Variants in RANBP9 observed in about 807,000 individuals in gnomAD.
The protein encoded by RANBP9 is ran-binding protein 9.
Under a neutral mutation model 84.3 loss-of-function variants are expected in RANBP9, and 15 were observed. The ratio of observed to expected loss-of-function variants is 0.18; its 90% CI spans 0.12 to 0.27. RANBP9 has a LOEUF of 0.27. RANBP9 is among the 10% of genes least tolerant of loss of function. The pLI is 1.00. For missense variants in RANBP9, 809 were observed against 912.8 expected (o/e 0.89, Z 1.46); for synonymous variants, 392 against 349.6 (o/e 1.12, Z -1.35).
intron 1 of RANBP9, among the ~76,000 whole-genome samples, chr6:13,702,812 T>G (rs1299074481): frequency 6.6e-6 from 1 of 152,182 alleles, no homozygotes; most frequent in Non-Finnish European, 1.5e-5. Context: ...ATAATCTCTA[T>G]TCACTATCCT....
intron 2 of RANBP9, among the ~76,000 whole-genome samples, chr6:13,662,231 AAC>A (rs1765551670): frequency 6.6e-6 from 1 of 152,200 alleles, no homozygotes; most frequent in African/African-American, 2.4e-5. Context: ...AATGTGCTAG[AAC>A]ACAATTACCC....
rs564437360 is a variant in RANBP9, at chr6:13,625,686, G to C, written c.2026C>G (p.Pro676Ala). The change falls in exon 13 of 14, where the codon CCT (proline) becomes GCT (alanine). Residue 676 changes from proline to alanine, a missense_variant. Physicochemically the swap from Pro to Ala is conservative, Grantham distance 27. Coordinates refer to ENST00000011619, the MANE Select transcript of RANBP9 (RefSeq NM_005493.3). ...GCACTGTTAAGAGCTGAGCACACAG[G>C]TTCTCTCTGAATCGGGTCAAGCTGA... The part of the protein sequence containing the change: ...GNQLDPIQRE[P>A]VCSALNSAIL... 27 of 1,612,760 alleles carry C rather than the reference G, an allele frequency of 1.7e-5. No homozygotes were observed. The East Asian group carries it at 3.8e-4, about 23-fold the overall frequency.
intron 1 of RANBP9, among the ~76,000 whole-genome samples, chr6:13,709,287 C>A (rs183186757): frequency 6.6e-6 from 1 of 152,336 alleles, no homozygotes; most frequent in Admixed American, 6.5e-5. Context: ...AACTTACACA[C>A]CACTCAGAGG....
At position 13,625,659 on chromosome 6, in the gene RANBP9, T is replaced by C. The variant is rs779678243; in HGVS notation, c.2053A>G (p.Ile685Val). The C allele has an allele frequency of 4.4e-6, 7 of 1,601,756 alleles. No homozygotes were observed. In the Admixed American group the frequency reaches 8.3e-5, roughly 19 times the overall value. ...EPVCSALNSA[I>V]LETHNLPKQP... ...CTTATTTGGCTTTACTTACCTAATA[T>C]TGCACTGTTAAGAGCTGAGCACACA... The change falls in exon 13 of 14, where the codon ATA (isoleucine) becomes GTA (valine). Residue 685 changes from isoleucine to valine, a missense_variant. Ile to Val is a conservative substitution (Grantham distance 29). Coordinates refer to ENST00000011619, the MANE Select transcript of RANBP9 (RefSeq NM_005493.3).
Position 13,652,678 on chromosome 6 carries a change from A to G in RANBP9, c.908T>C (p.Ile303Thr). 1.3e-6 allele frequency: 2 copies of G among 1,597,780 alleles called. No individual in the cohort carries two copies. The highest frequency in any genetic ancestry group is 1.7e-6 in the Non-Finnish European group (2 of 1,168,640). The change falls in exon 5 of 14, where the codon ATT (isoleucine) becomes ACT (threonine). Residue 303 changes from isoleucine to threonine, a missense_variant. By Grantham distance (89) the Ile-to-Thr change is moderately conservative. Transcript: ENST00000011619. ...TCTTACCGGTAGGTCAGTGAAAGCA[A>G]TACCTAAAAAGAAAAAAAAAAGTGG... is the stretch of plus-strand genomic sequence containing the variant. ...FYTKNGHSLG[I>T]AFTDLPPNLY...
intron 12 of RANBP9, among the ~76,000 whole-genome samples, chr6:13,626,517 G>A (rs1044635644): frequency 6.6e-6 from 1 of 152,148 alleles, no homozygotes; most frequent in African/African-American, 2.4e-5. Flanking sequence ...TCCTAGATTT[G>A]TATGAGGACT....
chr6:13,662,391 T>TG, intron 2 of RANBP9, among the ~76,000 whole-genome samples: 1 of 152,230 alleles, frequency 6.6e-6, no homozygotes, highest in Non-Finnish European at 1.5e-5. Context: ...GAAATACTCT[T>TG]GCTTTGAATG....
At chr6:13,684,734 G>T (rs542228915) in intron 2 of RANBP9, among the ~76,000 whole-genome samples, 2 of 152,200 alleles carry the variant, frequency 1.3e-5, no homozygotes, top group Non-Finnish European at 1.5e-5. Flanking sequence ...TACTCTAACG[G>T]GTAGGACAGA....
At chr6:13,683,760 GA>G (rs902029578) in intron 2 of RANBP9, among the ~76,000 whole-genome samples, 1 of 147,272 alleles carries the variant, frequency 6.8e-6, no homozygotes, top group Admixed American at 6.7e-5. Flanking sequence ...CTTGTAATTG[GA>G]AAAAAAAATT....
intron 5 of RANBP9, among the ~76,000 whole-genome samples, chr6:13,649,280 C>A (rs1765239991): frequency 1.3e-5 from 2 of 152,092 alleles, no homozygotes; most frequent in Non-Finnish European, 2.9e-5. Context: ...CAAAGTTGCA[C>A]ATGATCATTG....
At chr6:13,710,680 C>G (rs1228259354) in intron 1 of RANBP9, among the ~76,000 whole-genome samples, 1 of 152,206 alleles carries the variant, frequency 6.6e-6, no homozygotes, top group Non-Finnish European at 1.5e-5. Context: ...GTGTCCTGCT[C>G]CTGGTCTAGG....
chr6:13,711,277 G>C lies in RANBP9; in HGVS notation c.229C>G (p.Pro77Ala), dbSNP rs1253654450. ...LLLHPPPPPP[P>A]ATAAPPPPPP... ...GGGGGCGGCGGGGCCGCGGTGGCCGGGGGCGGCGGCGGCGGAGGGTGGAGG... is the reference window on the plus strand; with the variant it reads ...GGGGGCGGCGGGGCCGCGGTGGCCGCGGGCGGCGGCGGCGGAGGGTGGAGG... The change falls in exon 1 of 14, where the codon CCG (proline) becomes GCG (alanine). Residue 77 changes from proline to alanine, a missense_variant. Pro to Ala is a conservative substitution (Grantham distance 27, BLOSUM62 -1). This residue lies in a region of RANBP9 where 302 missense variants were observed against 240.1 expected (regional missense o/e 1.26). Transcript: ENST00000011619. 4 of 992,136 alleles carry C rather than the reference G, an allele frequency of 4.0e-6. No individual in the cohort carries two copies. The South Asian group carries it at 1.4e-4, about 34-fold the overall frequency. 61.5% of individuals were successfully genotyped at this position (992,136 alleles called of 1,614,324 possible).
At chr6:13,670,598 C>G (rs945462504) in intron 2 of RANBP9, among the ~76,000 whole-genome samples, 1 of 151,976 alleles carries the variant, frequency 6.6e-6, no homozygotes, top group South Asian at 2.1e-4. Flanking sequence ...AGATCGAGAC[C>G]ATCCTGGCTA....
chr6:13,636,786 T>A (rs1446005528), intron 10 of RANBP9, among the ~76,000 whole-genome samples: 1 of 152,220 alleles, frequency 6.6e-6, no homozygotes, highest in East Asian at 1.9e-4. Flanking sequence ...ACACACACTA[T>A]TACTTCAGTA....
In RANBP9 at chr6:13,698,007, T is replaced by C. The variant is rs181182693; in HGVS notation, c.572-1111A>G. Among the ~76,000 whole-genome samples, 263 of 152,348 alleles carry C rather than the reference T, an allele frequency of 1.7e-3. 1 individual carries two copies. Among genetic ancestry groups the C allele is most frequent in the Middle Eastern group, 3.4e-3 (1 of 294 alleles). ...AAGTCAAAAATTGTATCTTAAGATA[T>C]ACAATCATCACACATGAATGAGATC... On this transcript the variant is annotated intron_variant, in intron 1 of 13. Transcript: ENST00000011619.
chr6:13,697,666 C>T (rs1018197871), intron 1 of RANBP9, among the ~76,000 whole-genome samples: 2 of 152,102 alleles, frequency 1.3e-5, no homozygotes, highest in South Asian at 2.1e-4. Flanking sequence ...TCGCCCAAGA[C>T]ACAAATTACC....
At chr6:13,677,464 C>CT (rs920649604) in intron 2 of RANBP9, among the ~76,000 whole-genome samples, 11 of 151,992 alleles carry the variant, frequency 7.2e-5, no homozygotes, top group Non-Finnish European at 1.3e-4. Context: ...TAAGAGGGAT[C>CT]TTTTTTTTAT....
intron 2 of RANBP9, among the ~76,000 whole-genome samples, chr6:13,695,603 A>G (rs1328220754): frequency 3.9e-5 from 6 of 152,086 alleles, no homozygotes; most frequent in Admixed American, 1.3e-4. Context: ...TTTGAAGTAT[A>G]AAAAGAATCA....
chr6:13,630,691 A>G (rs1166508265), intron 12 of RANBP9, among the ~76,000 whole-genome samples: 1 of 152,096 alleles, frequency 6.6e-6, no homozygotes, highest in African/African-American at 2.4e-5. Context: ...TCCTCTGACT[A>G]TATAGTGGAA....
Sources: gnomAD v4.1 joint callset for allele counts (sites outside exome capture counted in the v4.1 genomes callset) on GRCh38, gnomAD v4.1.1 for gene constraint, gnomAD v4.1.1 regional missense constraint, MANE v1.5 for transcripts, NCBI Gene and HGNC (gene_info 2026-07-23, HGNC 2026-07-21) for gene names.